The following DSC2 variants were observed in gnomAD, a reference collection of about 807,000 sequenced individuals.
DSC2 encodes desmocollin 2.
Under a neutral mutation model 87.6 loss-of-function variants are expected in DSC2, and 51 were observed. That is an observed-to-expected ratio of 0.58 (90% CI 0.46 to 0.74). DSC2 has a LOEUF of 0.74. DSC2 is among the 30% of genes least tolerant of loss of function. The pLI, the probability that DSC2 is intolerant of heterozygous loss-of-function variation, is 0.00. For synonymous variants in DSC2, 383 were observed against 393.2 expected (o/e 0.97, Z 0.31); for missense variants, 1,066 against 1,089.5 (o/e 0.98, Z 0.30).
chr18:31,082,730 G>C (rs1172495044), intron 8 of DSC2, among the ~76,000 whole-genome samples, 196 bp downstream of exon 8: 1 of 152,046 alleles, frequency 6.6e-6, no homozygotes, highest in African/African-American at 2.4e-5. Context: ...GCTAATTTTT[G>C]TATTTTCTGT....
chr18:31,079,817 T>A (rs1377820942), intron 11 of DSC2, 30 bp downstream of exon 11: 2 of 1,613,540 alleles, frequency 1.2e-6, no homozygotes, highest in Non-Finnish European at 1.7e-6. Flanking sequence ...GCCAAGGAAG[T>A]ATGTAGCTGG....
At chr18:31,071,087 T>C (rs1986812590) in intron 13 of DSC2, among the ~76,000 whole-genome samples, 1 of 152,054 alleles carries the variant, frequency 6.6e-6, no homozygotes, top group Non-Finnish European at 1.5e-5. Context: ...ATAATTATGT[T>C]ACATGTTCTG....
At position 31,074,813 on chromosome 18, in the gene DSC2, T is replaced by C; in HGVS notation, c.1758A>G (p.Lys586=). 6.2e-7 allele frequency: 1 copy of C among 1,613,994 alleles called. No individual in the cohort carries two copies. ...CAATCTCCGCAGATGACATGGTGGG[T>C]TTGCAGATGATCACTGTCTTTTTAG... ...FIPKKTVIIC[K]PTMSSAEIVA... The change falls in exon 12 of 16, where the codon AAA becomes AAG. Residue 586 remains lysine, a synonymous_variant. Transcript: ENST00000280904.
At position 31,091,220 on chromosome 18, in the gene DSC2, T is replaced by A. The variant is rs1490436917; in HGVS notation, c.355-73A>T. ...TTCTCAAACATTAAACAATGACACA[T>A]CTTTCTCCTCTCAGGAGGATTAGCT... On this transcript the variant is annotated intron_variant, in intron 3 of 15. Transcript: ENST00000280904. The A allele has an allele frequency of 2.5e-6, 4 of 1,577,610 alleles. No homozygotes were observed. The South Asian group carries it at 4.5e-5, about 18-fold the overall frequency.
chr18:31,079,131 TGTAA>T (rs1374833420), intron 11 of DSC2, among the ~76,000 whole-genome samples: 1 of 152,216 alleles, frequency 6.6e-6, no homozygotes, highest in African/African-American at 2.4e-5. Flanking sequence ...GACTGCACTG[TGTAA>T]GTATGTTTTC....
Position 31,091,436 on chromosome 18 carries a change from G to GCC in DSC2, c.355-291_355-290dup, listed in dbSNP as rs1456716409. On this transcript the variant is annotated intron_variant, in intron 3 of 15. Coordinates refer to ENST00000280904, the MANE Select transcript of DSC2 (RefSeq NM_024422.6). ...CAAAACTGAAAAAAAAATTACTGTT[G>GCC]CCCCATTGCCATGCAAAAACATGGG... The GCC allele has an allele frequency of 1.1e-4, 60 of 526,598 alleles. No individual in the cohort carries two copies. The East Asian group carries it at 2.8e-3, about 25-fold the overall frequency. The allele number at this position is 526,598 out of a possible 1,614,324, so 32.6% of individuals were successfully genotyped here.
chr18:31,076,961 T>G (rs973985050), intron 11 of DSC2, among the ~76,000 whole-genome samples: 3 of 152,192 alleles, frequency 2.0e-5, no homozygotes, highest in Non-Finnish European at 2.9e-5. Flanking sequence ...AGCTGTTGAC[T>G]CAGAATTTTA....
chr18:31,080,491 A>G (rs1403472689), intron 9 of DSC2, 139 bp from the exon 10 acceptor site: 2 of 1,057,394 alleles, frequency 1.9e-6, no homozygotes, highest in South Asian at 1.6e-5. Context: ...ACATATATCC[A>G]GTGATATGGT....
intron 5 of DSC2, among the ~76,000 whole-genome samples, chr18:31,088,669 T>C (rs1598588279): frequency 1.3e-5 from 2 of 152,304 alleles, no homozygotes; most frequent in African/African-American, 4.8e-5. Flanking sequence ...ATTAACTCAC[T>C]TTCCAGCATA....
chr18:31,058,983 G>T lies in DSC2; in HGVS notation c.*9032C>A, dbSNP rs1351568136. The T allele has an allele frequency of 1.3e-5, 2 of 152,146 alleles. No homozygotes were observed. The highest frequency in any genetic ancestry group is 6.5e-5 in the Admixed American group (1 of 15,270). The allele number at this position is 152,146 out of a possible 1,614,324, so 9.4% of individuals were successfully genotyped here. A position where few individuals can be genotyped will look rare whatever the true frequency, so the allele number is the denominator to read the frequency against. Reference sequence around the variant, plus strand: ...ACACCGAACATTTACATAGAACTATGTTCTAGCAATTTTTTAAAGCAGATG... The same window carrying T: ...ACACCGAACATTTACATAGAACTATTTTCTAGCAATTTTTTAAAGCAGATG... On this transcript the variant is annotated 3_prime_UTR_variant, in exon 16 of 16. Transcript: ENST00000280904.
At chr18:31,073,397 A>G (rs886277182) in intron 12 of DSC2, among the ~76,000 whole-genome samples, 2 of 150,512 alleles carry the variant, frequency 1.3e-5, no homozygotes, top group Non-Finnish European at 2.9e-5. Flanking sequence ...ACACACACAC[A>G]CACACACGCA....
chr18:31,059,049 T>C lies in DSC2; in HGVS notation c.*8966A>G, dbSNP rs1892115294. 2.6e-5 allele frequency: 4 copies of C among 152,088 alleles called. No individual in the cohort carries two copies. In the South Asian group the frequency reaches 8.3e-4, roughly 32 times the overall value. 9.4% of individuals were successfully genotyped at this position (152,088 alleles called of 1,614,324 possible). A position where few individuals can be genotyped will look rare whatever the true frequency, so the allele number is the denominator to read the frequency against. ...AGGGAGGTTCAGGTTACACAGATGG[T>C]TTGTGGTAGAGCCCAGATCTGAACC... On this transcript the variant is annotated 3_prime_UTR_variant, in exon 16 of 16. Transcript: ENST00000280904.
rs919783093 is a variant in DSC2 at position 31,090,884 on chromosome 18, T to C, written c.474+144A>G. 2.4e-5 allele frequency: 29 copies of C among 1,217,578 alleles called. No homozygotes were observed. In the African/African-American group the frequency reaches 3.8e-4, roughly 16 times the overall value. 75.4% of individuals were successfully genotyped at this position (1,217,578 alleles called of 1,614,324 possible). A position where few individuals can be genotyped will look rare whatever the true frequency, so the allele number is the denominator to read the frequency against. ...ATGCAAGTATAAAGAGATATATTTA[T>C]ACCCTTATATGGAAACATATTATAC... On this transcript the variant is annotated intron_variant, in intron 4 of 15. Coordinates refer to ENST00000280904, the MANE Select transcript of DSC2 (RefSeq NM_024422.6).
intron 1 of DSC2, among the ~76,000 whole-genome samples, chr18:31,096,862 T>TA (rs112154196): frequency 2.8e-4 from 43 of 151,962 alleles, no homozygotes; most frequent in Non-Finnish European, 4.9e-4. Context: ...TAGGAAGATG[T>TA]AAAAAAAATC....
chr18:31,068,238 TTTATTA>T (rs769438058), intron 15 of DSC2, 26 bp from the exon 16 acceptor site: 33 of 1,613,104 alleles, frequency 2.0e-5, no homozygotes, highest in Non-Finnish European at 2.8e-5. Flanking sequence ...ACACAACGTT[TTTATTA>T]TTATTATTTT....
intron 1 of DSC2, chr18:31,101,362 C>T (rs919536326): frequency 1.3e-6 from 1 of 795,210 alleles, no homozygotes; most frequent in Admixed American, 6.2e-5. Context: ...GACACTCGCT[C>T]TCCGTCCCGG....
At chr18:31,071,240 G>T (rs2144789615) in intron 13 of DSC2, among the ~76,000 whole-genome samples, 1 of 152,148 alleles carries the variant, frequency 6.6e-6, no homozygotes, top group East Asian at 1.9e-4. Context: ...AAATAGCACT[G>T]ATTCTTAGAA....
chr18:31,076,194 T>A (rs1252327236), intron 11 of DSC2, among the ~76,000 whole-genome samples: 2 of 152,104 alleles, frequency 1.3e-5, no homozygotes, highest in Non-Finnish European at 2.9e-5. Context: ...AGTCACAACC[T>A]CAGCCAGAGC....
At chr18:31,073,780 G>C (rs952462019) in intron 12 of DSC2, among the ~76,000 whole-genome samples, 1 of 152,140 alleles carries the variant, frequency 6.6e-6, no homozygotes, top group African/African-American at 2.4e-5. Context: ...ATGTAGACAG[G>C]TTGCCTTCAT....
Sources: allele counts gnomAD v4.1 joint callset (sites outside exome capture counted in the v4.1 genomes callset), GRCh38; gene constraint gnomAD v4.1.1; transcripts MANE v1.5; gene names NCBI Gene and HGNC (gene_info 2026-07-23, HGNC 2026-07-21).